Variants in MSH3 observed in about 807,000 individuals in gnomAD.
The protein encoded by MSH3 is DNA mismatch repair protein Msh3.
In MSH3, 106 loss-of-function variants were observed where a neutral mutation model predicts 123.3. That is an observed-to-expected ratio of 0.86 (90% confidence interval 0.73 to 1.01). The LOEUF (loss-of-function observed/expected upper bound fraction) is 1.01. Ranked by LOEUF, MSH3 falls within the 50% of genes least tolerant of loss-of-function variation. MSH3 has a pLI of 0.00. For missense variants in MSH3, 1,459 were observed against 1,347.6 expected (o/e 1.08, Z -1.29); for synonymous variants, 515 against 481.4 (o/e 1.07, Z -0.91).
chr5:80,778,121 C>T (rs1744337966), intron 16 of MSH3, among the ~76,000 whole-genome samples: 2 of 152,170 alleles, frequency 1.3e-5, no homozygotes, highest in South Asian at 4.1e-4. Flanking sequence ...GCTCTAGCTA[C>T]TGAACAGAGA....
At chr5:80,852,233 G>A (rs534386570) in intron 20 of MSH3, among the ~76,000 whole-genome samples, 7 of 152,174 alleles carry the variant, frequency 4.6e-5, no homozygotes, top group Non-Finnish European at 1.0e-4. Context: ...GTCTGAGGTG[G>A]GCACTCGCTT....
At chr5:80,861,138 A>G (rs575951684) in intron 21 of MSH3, among the ~76,000 whole-genome samples, 2 of 152,224 alleles carry the variant, frequency 1.3e-5, no homozygotes, top group Non-Finnish European at 2.9e-5. Flanking sequence ...GATAATTCCA[A>G]CATTCCTGCC....
At chr5:80,866,947 A>G (rs1746110810) in intron 22 of MSH3, among the ~76,000 whole-genome samples, 1 of 152,092 alleles carries the variant, frequency 6.6e-6, no homozygotes. Context: ...ATGCCTCTCT[A>G]GATGTTTTTC....
intron 23 of MSH3, among the ~76,000 whole-genome samples, chr5:80,874,748 G>A (rs997081279): frequency 1.3e-5 from 2 of 151,912 alleles, no homozygotes; most frequent in African/African-American, 4.8e-5. Context: ...ATATATTCTT[G>A]TTTCTGCTAT....
intron 11 of MSH3, among the ~76,000 whole-genome samples, 183 bp downstream of exon 11, chr5:80,741,731 G>T (rs1032213975): frequency 8.6e-5 from 13 of 152,032 alleles, no homozygotes; most frequent in Admixed American, 6.6e-4. Flanking sequence ...TGGGTTTTTT[G>T]GGGGGAATGA....
intron 11 of MSH3, among the ~76,000 whole-genome samples, chr5:80,742,416 A>G (rs367599857): frequency 6.6e-6 from 1 of 152,248 alleles, no homozygotes. Context: ...ACTTGGGAAG[A>G]TGAGACATTA....
chr5:80,871,143 G>A (rs1435003853), intron 22 of MSH3, among the ~76,000 whole-genome samples: 1 of 152,132 alleles, frequency 6.6e-6, no homozygotes, highest in Non-Finnish European at 1.5e-5. Flanking sequence ...GGTTCATTCG[G>A]AGTGCTGGGC....
intron 19 of MSH3, among the ~76,000 whole-genome samples, chr5:80,811,780 TAAA>T (rs1255209574): frequency 6.7e-6 from 1 of 148,574 alleles, no homozygotes; most frequent in Non-Finnish European, 1.5e-5. Flanking sequence ...ATAGACATAT[TAAA>T]AAAGAGATTA....
At chr5:80,723,414 T>C (rs1751129674) in intron 8 of MSH3, among the ~76,000 whole-genome samples, 1 of 152,238 alleles carries the variant, frequency 6.6e-6, no homozygotes, top group South Asian at 2.1e-4. Flanking sequence ...TATGGAATGC[T>C]AATTGCTGCT....
Position 80,670,157 on chromosome 5 carries a change from C to T in MSH3, c.640C>T (p.Gln214Ter), listed in dbSNP as rs952650934. 1.2e-6 allele frequency: 2 copies of T among 1,614,096 alleles called. No homozygotes were observed. The highest frequency in any genetic ancestry group is 1.7e-6 in the Non-Finnish European group (2 of 1,179,988). ...ATCAAATACAAGTCATGAAAATTTA[C>T]AGAAAACTGCTTCCAAATCAGCTAA... Reference protein sequence around the residue: ...GSSNTSHENLQKTASKSANKR... With the variant: ...GSSNTSHENL Residue 214 changes from glutamine to a stop codon, truncating the protein, a stop_gained, in exon 4 of 24, where the codon CAG (glutamine) becomes TAG (stop). Coordinates refer to ENST00000265081, the MANE Select transcript of MSH3 (RefSeq NM_002439.5). LOFTEE classifies it high-confidence loss of function.
At chr5:80,717,514 T>C (rs1418877766) in intron 8 of MSH3, among the ~76,000 whole-genome samples, 1 of 152,162 alleles carries the variant, frequency 6.6e-6, no homozygotes, top group African/African-American at 2.4e-5. Context: ...GCTTCCCAAG[T>C]AGTTGGGTCT....
intron 19 of MSH3, among the ~76,000 whole-genome samples, chr5:80,812,811 G>A (rs1161348134): frequency 6.6e-6 from 1 of 151,984 alleles, no homozygotes. Context: ...CACCTCCTTG[G>A]CCTCCCAAAG....
chr5:80,767,614 C>A (rs1386062687), intron 13 of MSH3, among the ~76,000 whole-genome samples: 1 of 152,052 alleles, frequency 6.6e-6, no homozygotes, highest in Non-Finnish European at 1.5e-5. Context: ...GTCTGTTATG[C>A]CTTACAGATA....
chr5:80,816,516 A>C (rs578245750), intron 20 of MSH3, among the ~76,000 whole-genome samples: 49 of 152,348 alleles, frequency 3.2e-4, no homozygotes, highest in Middle Eastern at 6.8e-3. Context: ...GTTTATCCTA[A>C]GAGCCATGGT....
chr5:80,684,863 T>C (rs1396556773), intron 8 of MSH3, among the ~76,000 whole-genome samples: 1 of 152,160 alleles, frequency 6.6e-6, no homozygotes, highest in African/African-American at 2.4e-5. Flanking sequence ...TGAGAGTTTT[T>C]ATTATGAAGC....
At chr5:80,822,828 G>T (rs1745224250) in intron 20 of MSH3, among the ~76,000 whole-genome samples, 1 of 152,214 alleles carries the variant, frequency 6.6e-6, no homozygotes, top group Non-Finnish European at 1.5e-5. Context: ...CATGGAAGAT[G>T]CACATCCTCC....
chr5:80,813,760 CTT>C lies in MSH3; in HGVS notation c.2813+20_2813+21del. 6.2e-7 allele frequency: 1 copy of C among 1,613,576 alleles called. No homozygotes were observed. The highest frequency in any genetic ancestry group is 8.5e-7 in the Non-Finnish European group (1 of 1,179,514). On this transcript the variant is annotated intron_variant, in intron 20 of 23. Coordinates refer to ENST00000265081, the MANE Select transcript of MSH3 (RefSeq NM_002439.5). Reference sequence around the variant, plus strand: ...TCACAAGGTAAGTACGTTAATTCAGCTTGCATATATTCTTGAAAATAAGTCAA... The same window carrying C: ...TCACAAGGTAAGTACGTTAATTCAGCGCATATATTCTTGAAAATAAGTCAA...
rs1427367621 is a variant in MSH3 at position 80,654,656 on chromosome 5, G to A, written c.-72G>A. ...TCGCGGCGTGCTCGCGCCCGCAGAC[G>A]CCTGGGAACTGCGGCCGCGGGCTCG... On this transcript the variant is annotated 5_prime_UTR_variant, in exon 1 of 24. Coordinates refer to ENST00000265081, the MANE Select transcript of MSH3 (RefSeq NM_002439.5). 1.4e-6 allele frequency: 2 copies of A among 1,436,852 alleles called. No individual in the cohort carries two copies. Among genetic ancestry groups the A allele is most frequent in the Non-Finnish European group, 1.9e-6 (2 of 1,060,444 alleles). The allele number at this position is 1,436,852 out of a possible 1,614,324, so 89.0% of individuals were successfully genotyped here.
chr5:80,739,371 T>G (rs1386119961), intron 10 of MSH3, among the ~76,000 whole-genome samples: 2 of 152,372 alleles, frequency 1.3e-5, no homozygotes, highest in East Asian at 3.9e-4. Context: ...GTTTTACATT[T>G]TATAACTGTC....
Sources: allele counts gnomAD v4.1 joint callset (sites outside exome capture counted in the v4.1 genomes callset), GRCh38; gene constraint gnomAD v4.1.1; transcripts MANE v1.5; gene names NCBI Gene and HGNC (gene_info 2026-07-23, HGNC 2026-07-21).